The following GLI3 variants were observed in gnomAD, a reference collection of about 807,000 sequenced individuals.
GLI3 encodes the protein GLI family zinc finger 3.
In GLI3, 20 loss-of-function variants were observed where a neutral mutation model predicts 100.8. The ratio of observed to expected loss-of-function variants is 0.20; its 90% CI spans 0.14 to 0.29. The LOEUF (loss-of-function observed/expected upper bound fraction) is 0.29, where lower values mean the gene tolerates loss of function less well. Among genes scored for constraint, GLI3 ranks in the 10% least tolerant of loss-of-function variants. GLI3 has a pLI of 1.00. For synonymous variants in GLI3, 938 were observed against 860.5 expected (o/e 1.09, Z -1.58); for missense variants, 2,040 against 2,128.5 (o/e 0.96, Z 0.82).
At chr7:42,118,770 T>C (rs548371195) in intron 3 of GLI3, among the ~76,000 whole-genome samples, 5 of 152,268 alleles carry the variant, frequency 3.3e-5, no homozygotes, top group African/African-American at 1.2e-4. Flanking sequence ...ACTTGCTCAT[T>C]TGACACAGTA....
upstream of GLI3, chr7:42,238,003 G>GCCTCCTCCTCCTCCT (rs1197149389): frequency 2.1e-5 from 3 of 140,608 alleles, no homozygotes; most frequent in Admixed American, 6.9e-5. Flanking sequence ...CGCCGCCGCC[G>GCCTCCTCCTCCTCCT]CCTCCTCCTC....
intron 3 of GLI3, among the ~76,000 whole-genome samples, chr7:42,087,928 T>C (rs907760996): frequency 6.6e-6 from 1 of 152,020 alleles, no homozygotes; most frequent in Non-Finnish European, 1.5e-5. Flanking sequence ...AAGCAAAGAG[T>C]TTGTTTTAAG....
intron 6 of GLI3, among the ~76,000 whole-genome samples, chr7:42,041,961 T>C (rs1472952206): frequency 6.6e-6 from 1 of 152,048 alleles, no homozygotes; most frequent in Middle Eastern, 3.2e-3. Flanking sequence ...ATAGTTTCAT[T>C]ACCAGCCTGA....
chr7:42,176,552 G>A (rs978462764), intron 2 of GLI3, among the ~76,000 whole-genome samples: 16 of 152,210 alleles, frequency 1.1e-4, no homozygotes, highest in Non-Finnish European at 1.5e-5. Context: ...CAAATAGCGG[G>A]ATTGCCAACC....
At chr7:41,989,683 G>A (rs1787928960) in intron 10 of GLI3, among the ~76,000 whole-genome samples, 1 of 152,014 alleles carries the variant, frequency 6.6e-6, no homozygotes, top group Non-Finnish European at 1.5e-5. Context: ...GAGAGTTAAT[G>A]GATAGTTTCT....
At chr7:42,099,469 GT>G (rs1268117421) in intron 3 of GLI3, among the ~76,000 whole-genome samples, 1 of 151,960 alleles carries the variant, frequency 6.6e-6, no homozygotes, top group Non-Finnish European at 1.5e-5. Context: ...TACTAGATTT[GT>G]TTTTTTCTGT....
At chr7:42,260,054 G>A (rs1281004945) in intron 1 of GLI3, among the ~76,000 whole-genome samples, 1 of 152,188 alleles carries the variant, frequency 6.6e-6, no homozygotes, top group Non-Finnish European at 1.5e-5. Flanking sequence ...CAAAATGCCT[G>A]TATCCCCAAA....
At position 42,171,995 on chromosome 7, in the gene GLI3, T is replaced by G. The variant is rs1222571053; in HGVS notation, c.125-23527A>C. ...TCCAAAGGACGGGGGTGGGGGTGTC[T>G]ATAGGACTCGTGCACATTCTGCTCT... On this transcript the variant is annotated intron_variant, in intron 2 of 14. Coordinates refer to ENST00000395925, the MANE Select transcript of GLI3 (RefSeq NM_000168.6). Among the ~76,000 whole-genome samples the G allele has an allele frequency of 3.9e-5, 6 of 152,246 alleles. No homozygotes were observed. The East Asian group carries it at 1.2e-3, about 29-fold the overall frequency.
At chr7:42,204,178 C>A (rs1316403419) in intron 2 of GLI3, among the ~76,000 whole-genome samples, 2 of 152,032 alleles carry the variant, frequency 1.3e-5, no homozygotes, top group Non-Finnish European at 2.9e-5. Context: ...GGGCCTCCAC[C>A]AATAGGACTC....
chr7:42,255,676 T>C (rs1789078632), intron 1 of GLI3, among the ~76,000 whole-genome samples: 1 of 152,228 alleles, frequency 6.6e-6, no homozygotes, highest in Non-Finnish European at 1.5e-5. Context: ...CATTCCATTG[T>C]ATAGATGCCC....
At chr7:42,260,089 T>C (rs1000926492) in intron 1 of GLI3, among the ~76,000 whole-genome samples, 1 of 152,212 alleles carries the variant, frequency 6.6e-6, no homozygotes, top group Admixed American at 6.5e-5. Context: ...GGAAGATCAT[T>C]GTAGATACTT....
At chr7:42,034,858 A>G (rs934550956) in intron 7 of GLI3, among the ~76,000 whole-genome samples, 3 of 152,030 alleles carry the variant, frequency 2.0e-5, no homozygotes, top group African/African-American at 7.3e-5. Context: ...GTTTATTAAT[A>G]TGCTTAGAGG....
rs1018072841 is a variant in GLI3 at position 42,050,644 on chromosome 7, C to T, written c.474-1948G>A. ...ATTTCCACTGAGGGACTGGTGCCAC[C>T]GAATGCAGAAGAGCTGTTTCAAGAA... On this transcript the variant is annotated intron_variant, in intron 4 of 14. Transcript: ENST00000395925. Among the ~76,000 whole-genome samples the T allele has an allele frequency of 6.6e-5, 10 of 152,278 alleles. No individual in the cohort carries two copies. In the South Asian group the frequency reaches 1.7e-3, roughly 25 times the overall value.
At chr7:42,163,371 C>T (rs1466031029) in intron 2 of GLI3, among the ~76,000 whole-genome samples, 1 of 151,978 alleles carries the variant, frequency 6.6e-6, no homozygotes, top group Non-Finnish European at 1.5e-5. Flanking sequence ...TACCCTTTCA[C>T]TCTGAGTCCT....
rs113524483 is a variant in GLI3 at position 42,116,030 on chromosome 7, G to C, written c.367+32196C>G. Among the ~76,000 whole-genome samples the C allele has an allele frequency of 9.2e-3, 1,402 of 152,018 alleles. 14 individuals are homozygous for C. The highest frequency in any genetic ancestry group is 0.034 in the Middle Eastern group (10 of 294). ...GCATCATCAGCTCACAGAGCAGCCT[G>C]GGCAACACCAAGACCAGACAGAAAC... On this transcript the variant is annotated intron_variant, in intron 3 of 14. Coordinates refer to ENST00000395925, the MANE Select transcript of GLI3 (RefSeq NM_000168.6).
chr7:42,203,428 T>C (rs1788085505), intron 2 of GLI3, among the ~76,000 whole-genome samples: 1 of 152,154 alleles, frequency 6.6e-6, no homozygotes, highest in Non-Finnish European at 1.5e-5. Context: ...CCTACTACCA[T>C]TCTACTCTCT....
rs371389453 is a variant in GLI3 at position 42,020,889 on chromosome 7, CAAAAAAAAAA to C, written c.1497+2569_1497+2578del. Among the ~76,000 whole-genome samples, 7 of 113,116 alleles carry C rather than the reference CAAAAAAAAAA, an allele frequency of 6.2e-5. No individual in the cohort carries two copies. In the South Asian group the frequency reaches 9.2e-4, roughly 15 times the overall value. The allele number at this position is 113,116 out of a possible 152,430, so 74.2% of individuals were successfully genotyped here. Reference sequence around the variant, plus strand: ...TGGGCGACAGAGCGAGACTCCGTCTCAAAAAAAAAAAAAAAAAAAAAAAAAAAAAAAGTAG... The same window carrying C: ...TGGGCGACAGAGCGAGACTCCGTCTCAAAAAAAAAAAAAAAAAAAAAGTAG... On this transcript the variant is annotated intron_variant, in intron 10 of 14. Coordinates refer to ENST00000395925, the MANE Select transcript of GLI3 (RefSeq NM_000168.6).
intron 12 of GLI3, among the ~76,000 whole-genome samples, chr7:41,974,318 C>A (rs143567737): frequency 2.0e-5 from 3 of 152,148 alleles, no homozygotes; most frequent in Admixed American, 6.5e-5. Context: ...TATCTACCCA[C>A]AAAAATTCAC....
rs1787228461 is a variant in GLI3 at position 41,967,751 on chromosome 7, G to C, written c.2276C>G (p.Thr759Arg). The C allele has an allele frequency of 6.2e-7, 1 of 1,614,190 alleles. No individual in the cohort carries two copies. The highest frequency in any genetic ancestry group is 8.5e-7 in the Non-Finnish European group (1 of 1,180,034). The change falls in exon 14 of 15, where the codon ACA (threonine) becomes AGA (arginine). Residue 759 changes from threonine to arginine, a missense_variant. Coordinates refer to ENST00000395925, the MANE Select transcript of GLI3 (RefSeq NM_000168.6). ...IMDSTISTAT[T>R]ALALQARRNP... ...TCTCCTGGCTTGCAAAGCAAGGGCT[G>C]TGGTTGCAGTGGAAATGGTTGAGTC...
Sources: allele counts gnomAD v4.1 joint callset (sites outside exome capture counted in the v4.1 genomes callset), GRCh38; gene constraint gnomAD v4.1.1; transcripts MANE v1.5; gene names NCBI Gene and HGNC (gene_info 2026-07-23, HGNC 2026-07-21).